Variants in PIK3C2A observed in about 807,000 individuals in gnomAD.
PIK3C2A encodes phosphatidylinositol-4-phosphate 3-kinase catalytic subunit type 2 alpha.
Under a neutral mutation model 204.5 loss-of-function variants are expected in PIK3C2A, and 97 were observed. The observed-to-expected ratio is 0.47, with a 90% confidence interval of 0.40 to 0.56. PIK3C2A has a LOEUF of 0.56. Ranked by LOEUF, PIK3C2A falls within the 20% of genes least tolerant of loss-of-function variation. PIK3C2A has a pLI of 0.00. For synonymous variants in PIK3C2A, 653 were observed against 664.4 expected, an observed-to-expected ratio of 0.98 and a Z score of 0.26; for missense variants, 1,735 against 1,969.2, an observed-to-expected ratio of 0.88 and a Z score of 2.25.
Position 17,155,685 on chromosome 11 carries a change from T to G in PIK3C2A, c.1066-56A>C. ...AGTGGAAGATCCACAAAATGCTACA[T>G]AGCAGCACAGCACAAACACATTTTT... On this transcript the variant is annotated intron_variant, in intron 2 of 32. Transcript: ENST00000691414. 6 of 925,924 alleles carry G rather than the reference T, an allele frequency of 6.5e-6. 1 individual carries two copies. In the South Asian group the frequency reaches 8.5e-5, roughly 13 times the overall value. The allele number at this position is 925,924 out of a possible 1,614,324, so 57.4% of individuals were successfully genotyped here.
At chr11:17,118,170 C>T (rs1397789968) in intron 18 of PIK3C2A, among the ~76,000 whole-genome samples, 1 of 151,412 alleles carries the variant, frequency 6.6e-6, no homozygotes, top group Admixed American at 6.6e-5. Flanking sequence ...CTCCCAGGCT[C>T]GAGCAATCCT....
At chr11:17,154,669 T>C (rs1396377048) in intron 3 of PIK3C2A, among the ~76,000 whole-genome samples, 1 of 152,106 alleles carries the variant, frequency 6.6e-6, no homozygotes, top group Non-Finnish European at 1.5e-5. Flanking sequence ...TTTTCTTCTC[T>C]GCTACTGAGA....
chr11:17,122,666 A>G, intron 14 of PIK3C2A, 36 bp downstream of exon 14: 2 of 925,812 alleles, frequency 2.2e-6, no homozygotes, highest in Non-Finnish European at 3.5e-6. Flanking sequence ...AGAAATTTAA[A>G]TGTACACCTC....
chr11:17,118,163 C>G (rs776188893), intron 18 of PIK3C2A, among the ~76,000 whole-genome samples: 1 of 151,822 alleles, frequency 6.6e-6, no homozygotes, highest in African/African-American at 2.4e-5. Flanking sequence ...CCTCCACCTC[C>G]CAGGCTCGAG....
At chr11:17,126,554 T>C (rs1849533220) in intron 13 of PIK3C2A, among the ~76,000 whole-genome samples, 2 of 152,220 alleles carry the variant, frequency 1.3e-5, no homozygotes, top group South Asian at 2.1e-4. Flanking sequence ...CTAATCATTA[T>C]AACACAGTGG....
intron 1 of PIK3C2A, among the ~76,000 whole-genome samples, chr11:17,200,470 A>C (rs1285863050): frequency 3.3e-5 from 5 of 152,224 alleles, no homozygotes; most frequent in Non-Finnish European, 7.3e-5. Context: ...CAAAAGTGTT[A>C]TGCTAAATGA....
At chr11:17,182,127 C>A (rs1296083566) in intron 1 of PIK3C2A, among the ~76,000 whole-genome samples, 2 of 151,578 alleles carry the variant, frequency 1.3e-5, no homozygotes, top group African/African-American at 2.4e-5. Flanking sequence ...AGTAGTTACT[C>A]ACAAAGTTAT....
chr11:17,119,783 T>A lies in PIK3C2A; in HGVS notation c.2846+3A>T. On this transcript the variant is annotated splice_donor_region_variant and intron_variant, in intron 16 of 32. Coordinates refer to ENST00000691414, the MANE Select transcript of PIK3C2A (RefSeq NM_002645.4). ...CAAGAGCAAATAAATGTATTTGACT[T>A]ACTTTGAATCAAGAAGTTCCAATGC... 6.6e-7 allele frequency: 1 copy of A among 1,519,950 alleles called. No individual in the cohort carries two copies. Among genetic ancestry groups the A allele is most frequent in the Non-Finnish European group, 8.8e-7 (1 of 1,131,254 alleles). 94.2% of individuals were successfully genotyped at this position (1,519,950 alleles called of 1,614,324 possible). A position where few individuals can be genotyped will look rare whatever the true frequency, so the allele number is the denominator to read the frequency against.
chr11:17,173,858 A>T (rs1565291377), intron 1 of PIK3C2A, among the ~76,000 whole-genome samples: 1 of 152,204 alleles, frequency 6.6e-6, no homozygotes, highest in African/African-American at 2.4e-5. Flanking sequence ...ACTGGAGTGC[A>T]GTGGCACAGT....
intron 23 of PIK3C2A, among the ~76,000 whole-genome samples, chr11:17,103,323 G>GTGTGTCA (rs1848703636): frequency 6.6e-6 from 1 of 152,062 alleles, no homozygotes; most frequent in Non-Finnish European, 1.5e-5. Context: ...GTGATTCCCT[G>GTGTGTCA]TGTGTCATCT....
At chr11:17,171,703 G>T (rs1349491839) in intron 1 of PIK3C2A, among the ~76,000 whole-genome samples, 1 of 152,154 alleles carries the variant, frequency 6.6e-6, no homozygotes, top group Non-Finnish European at 1.5e-5. Context: ...AGAAAAAGCT[G>T]TAAATATGGA....
intron 1 of PIK3C2A, among the ~76,000 whole-genome samples, chr11:17,185,940 G>A (rs1015832746): frequency 1.3e-5 from 2 of 152,192 alleles, no homozygotes; most frequent in Admixed American, 6.6e-5. Context: ...TCACTCCTCT[G>A]CACAGAATTT....
At chr11:17,091,118 T>C (rs1393450715) in intron 32 of PIK3C2A, among the ~76,000 whole-genome samples, 13 of 151,588 alleles carry the variant, frequency 8.6e-5, no homozygotes, top group East Asian at 7.7e-4. Context: ...CTGGGGCCTG[T>C]TGGGGGATGG....
In PIK3C2A at chr11:17,168,671, C is replaced by T. The variant is rs1851053991; in HGVS notation, c.1065+6G>A. 6.6e-7 allele frequency: 1 copy of T among 1,505,918 alleles called. No individual in the cohort carries two copies. Among genetic ancestry groups the T allele is most frequent in the Non-Finnish European group, 9.0e-7 (1 of 1,112,910 alleles). The allele number at this position is 1,505,918 out of a possible 1,614,324, so 93.3% of individuals were successfully genotyped here. On this transcript the variant is annotated splice_donor_region_variant and intron_variant, in intron 2 of 32. Coordinates refer to ENST00000691414, the MANE Select transcript of PIK3C2A (RefSeq NM_002645.4). ...AGTTTGAGAAGTTAGTAAGAAAAGACTATACCTGAGATATATGGCCCTGGG... is the reference window on the plus strand; with the variant it reads ...AGTTTGAGAAGTTAGTAAGAAAAGATTATACCTGAGATATATGGCCCTGGG...
At chr11:17,191,268 C>A (rs111316639) in intron 1 of PIK3C2A, among the ~76,000 whole-genome samples, 2 of 152,140 alleles carry the variant, frequency 1.3e-5, no homozygotes, top group Non-Finnish European at 2.9e-5. Flanking sequence ...TCCTTCTGGC[C>A]AGGGTTGGCC....
intron 1 of PIK3C2A, among the ~76,000 whole-genome samples, chr11:17,182,053 T>C (rs984343585): frequency 1.8e-4 from 28 of 151,438 alleles, no homozygotes; most frequent in African/African-American, 6.8e-4. Flanking sequence ...GACCGTGCCA[T>C]TGTACTCCAG....
chr11:17,160,339 A>G (rs1416763505), intron 2 of PIK3C2A, among the ~76,000 whole-genome samples: 1 of 152,226 alleles, frequency 6.6e-6, no homozygotes. Flanking sequence ...CAAAAATCAC[A>G]GGAAGAAAAA....
At chr11:17,114,896 C>T (rs1004828766) in intron 19 of PIK3C2A, among the ~76,000 whole-genome samples, 1 of 152,152 alleles carries the variant, frequency 6.6e-6, no homozygotes, top group Non-Finnish European at 1.5e-5. Flanking sequence ...CTTGACTCAG[C>T]TATTTCACCT....
chr11:17,153,184 C>G (rs1160340397), intron 3 of PIK3C2A, among the ~76,000 whole-genome samples: 1 of 152,070 alleles, frequency 6.6e-6, no homozygotes, highest in Non-Finnish European at 1.5e-5. Flanking sequence ...GTAATGCCAG[C>G]ACTTTGGGAG....
Sources: gnomAD v4.1 joint callset for allele counts (sites outside exome capture counted in the v4.1 genomes callset) on GRCh38, gnomAD v4.1.1 for gene constraint, MANE v1.5 for transcripts, NCBI Gene and HGNC (gene_info 2026-07-23, HGNC 2026-07-21) for gene names.